The following SPPL3 variants were observed in gnomAD, a reference collection of about 807,000 sequenced individuals.
The protein encoded by SPPL3 is signal peptide peptidase like 3.
SPPL3 carries 5 observed loss-of-function variants against 42.4 expected under a neutral mutation model. The ratio of observed to expected loss-of-function variants is 0.12; its 90% CI spans 0.06 to 0.25. SPPL3 has a LOEUF of 0.25. SPPL3 is among the 10% of genes least tolerant of loss of function. SPPL3 has a pLI of 1.00. For missense variants in SPPL3, 235 were observed against 489.0 expected (o/e 0.48, Z 4.90); for synonymous variants, 195 against 181.8 (o/e 1.07, Z -0.58).
At chr12:120,782,051 G>T (rs1006726698) in intron 6 of SPPL3, among the ~76,000 whole-genome samples, 11 of 151,674 alleles carry the variant, frequency 7.3e-5, no homozygotes, top group Non-Finnish European at 1.5e-4. Flanking sequence ...TTTTATTTTT[G>T]TAGAAATGGG....
chr12:120,777,914 CTT>C (rs1470570043), intron 6 of SPPL3, among the ~76,000 whole-genome samples: 1 of 152,090 alleles, frequency 6.6e-6, no homozygotes, highest in Non-Finnish European at 1.5e-5. Context: ...TTGACTTTGC[CTT>C]TCCTGTCTGC....
intron 3 of SPPL3, among the ~76,000 whole-genome samples, chr12:120,790,324 G>A (rs1289842086): frequency 6.6e-6 from 1 of 152,228 alleles, no homozygotes; most frequent in Non-Finnish European, 1.5e-5. Context: ...CTGGGTCTGT[G>A]CCCGGTGAAA....
rs147306154 is a variant in SPPL3 at position 120,883,238 on chromosome 12, G to A, written c.23+20607C>T. Among the ~76,000 whole-genome samples, 897 of 149,390 alleles carry A rather than the reference G, an allele frequency of 6.0e-3. 11 individuals are homozygous for A. The highest frequency in any genetic ancestry group is 0.02 in the African/African-American group (808 of 40,708). The stretch of plus-strand genomic sequence containing the variant: ...GAGAATGGCATGAACCTGGCAGGCA[G>A]AGCTTGCAGTGAGCCGAGATCGCAC... On this transcript the variant is annotated intron_variant, in intron 1 of 10. Transcript: ENST00000353487.
intron 8 of SPPL3, 76 bp downstream of exon 8, chr12:120,768,249 C>T: frequency 6.6e-7 from 1 of 1,520,588 alleles, no homozygotes. Flanking sequence ...ATGCTGATGA[C>T]ATTAGAGACT....
At chr12:120,869,955 A>G (rs1375672001) in intron 1 of SPPL3, among the ~76,000 whole-genome samples, 6 of 152,246 alleles carry the variant, frequency 3.9e-5, no homozygotes, top group Non-Finnish European at 8.8e-5. Flanking sequence ...TACTCACACT[A>G]GCATGTTGTC....
At chr12:120,774,728 C>G (rs1869250550) in intron 6 of SPPL3, among the ~76,000 whole-genome samples, 1 of 151,888 alleles carries the variant, frequency 6.6e-6, no homozygotes, top group Admixed American at 6.6e-5. Context: ...GCCTTTCATT[C>G]TGTCATTCAA....
chr12:120,813,509 C>T lies in SPPL3; in HGVS notation c.24-2623G>A, dbSNP rs190776782. On this transcript the variant is annotated intron_variant, in intron 1 of 10. Coordinates refer to ENST00000353487, the MANE Select transcript of SPPL3 (RefSeq NM_139015.5). ...AATTTTTTGTATTTTTAGTAAGAGA[C>T]GGGGTTTCATCATGTTGGCCAGGCT... Among the ~76,000 whole-genome samples the T allele has an allele frequency of 3.8e-4, 58 of 151,866 alleles. No homozygotes were observed. In the East Asian group the frequency reaches 0.01, roughly 27 times the overall value.
chr12:120,821,035 A>T (rs1566051392), intron 1 of SPPL3, among the ~76,000 whole-genome samples: 1 of 152,214 alleles, frequency 6.6e-6, no homozygotes, highest in Non-Finnish European at 1.5e-5. Flanking sequence ...AGACTAATAC[A>T]ATGAAAAAAT....
intron 7 of SPPL3, among the ~76,000 whole-genome samples, 169 bp downstream of exon 7, chr12:120,768,784 C>G (rs747447832): frequency 3.3e-5 from 5 of 152,186 alleles, no homozygotes; most frequent in Non-Finnish European, 7.3e-5. Context: ...GACTTTTCAG[C>G]AAACAAAAGG....
chr12:120,881,062 A>C (rs533379412), intron 1 of SPPL3, among the ~76,000 whole-genome samples: 2 of 151,942 alleles, frequency 1.3e-5, no homozygotes, highest in African/African-American at 2.4e-5. Context: ...CACACACACA[A>C]AATTCAACTA....
At chr12:120,786,650 A>G (rs1869732012) in intron 3 of SPPL3, among the ~76,000 whole-genome samples, 1 of 147,324 alleles carries the variant, frequency 6.8e-6, no homozygotes, top group African/African-American at 2.5e-5. Context: ...GAATGCACAG[A>G]TTTTTTTTTT....
chr12:120,791,766 G>C, intron 2 of SPPL3: 1 of 487,938 alleles, frequency 2.0e-6, no homozygotes. Context: ...GCAGATGAAA[G>C]CATCCCAATG....
intron 1 of SPPL3, among the ~76,000 whole-genome samples, chr12:120,895,026 T>C (rs1336188340): frequency 6.6e-6 from 1 of 152,170 alleles, no homozygotes; most frequent in African/African-American, 2.4e-5. Flanking sequence ...AACCGTACCA[T>C]GCATTCCAAG....
rs1221938603 is a variant in SPPL3, at chr12:120,792,590, C to T, written c.102-1033G>A. ...TGGTGCGTGCCGGTAGTTCCAGCTA[C>T]TTGGGAGGCTGAGGCAGGATAATTG... On this transcript the variant is annotated intron_variant, in intron 2 of 10. Coordinates refer to ENST00000353487, the MANE Select transcript of SPPL3 (RefSeq NM_139015.5). Among the ~76,000 whole-genome samples the T allele has an allele frequency of 2.0e-5, 3 of 148,888 alleles. No individual in the cohort carries two copies. In the East Asian group the frequency reaches 5.9e-4, roughly 29 times the overall value.
At chr12:120,839,643 A>G (rs1233670780) in intron 1 of SPPL3, among the ~76,000 whole-genome samples, 1 of 152,216 alleles carries the variant, frequency 6.6e-6, no homozygotes, top group Non-Finnish European at 1.5e-5. Flanking sequence ...TGATTTTTTC[A>G]GTATGTATGT....
chr12:120,818,793 T>C (rs2137007229), intron 1 of SPPL3, among the ~76,000 whole-genome samples: 2 of 148,668 alleles, frequency 1.3e-5, no homozygotes, highest in South Asian at 4.4e-4. Context: ...ATATTTACCG[T>C]ATTAAATTAA....
intron 1 of SPPL3, among the ~76,000 whole-genome samples, chr12:120,843,118 C>T (rs1871887514): frequency 6.6e-6 from 1 of 152,100 alleles, no homozygotes; most frequent in East Asian, 1.9e-4. Context: ...ACAGTGTTCA[C>T]AGTGAACGGA....
chr12:120,815,045 A>G (rs1468841265), intron 1 of SPPL3, among the ~76,000 whole-genome samples: 2 of 152,192 alleles, frequency 1.3e-5, no homozygotes, highest in Non-Finnish European at 2.9e-5. Flanking sequence ...GTTGTTTCCA[A>G]AAACTCTGCT....
chr12:120,903,898 C>A lies in SPPL3; in HGVS notation c.-31G>T. The A allele has an allele frequency of 7.3e-7, 1 of 1,368,088 alleles. No individual in the cohort carries two copies. The highest frequency in any genetic ancestry group is 1.7e-5 in the South Asian group (1 of 59,694). 84.7% of individuals were successfully genotyped at this position (1,368,088 alleles called of 1,614,324 possible). ...TGCCTCTCGTGGGCTCCGCTGCAGG[C>A]TGTGGCCGGGCCCGGCGGCGGCGGG... On this transcript the variant is annotated 5_prime_UTR_variant, in exon 1 of 11. Transcript: ENST00000353487.
Sources: allele counts gnomAD v4.1 joint callset (sites outside exome capture counted in the v4.1 genomes callset), GRCh38; gene constraint gnomAD v4.1.1; transcripts MANE v1.5; gene names NCBI Gene and HGNC (gene_info 2026-07-23, HGNC 2026-07-21).